EPS15L1: variants seen among roughly 807,000 people sequenced by gnomAD.
EPS15L1 encodes epidermal growth factor receptor pathway substrate 15 like 1, also known as epidermal growth factor receptor substrate 15-like 1.
EPS15L1 carries 43 observed loss-of-function variants against 117.1 expected under a neutral mutation model. That is an observed-to-expected ratio of 0.37 (90% CI 0.29 to 0.47). EPS15L1 has a LOEUF of 0.47. Among genes scored for constraint, EPS15L1 ranks in the 20% least tolerant of loss-of-function variants. The pLI is 0.99. For missense variants in EPS15L1, 981 were observed against 1,164.0 expected (o/e 0.84, Z 2.29); for synonymous variants, 459 against 470.5 (o/e 0.98, Z 0.32).
intron 1 of EPS15L1, among the ~76,000 whole-genome samples, chr19:16,464,011 C>T (rs544867819): frequency 6.6e-6 from 1 of 152,352 alleles, no homozygotes; most frequent in Non-Finnish European, 1.5e-5. Context: ...GGACTGCAGG[C>T]CTGGGAAACA....
chr19:16,361,649 G>A, intron 23 of EPS15L1, 130 bp downstream of exon 23: 1 of 1,413,954 alleles, frequency 7.1e-7, no homozygotes, highest in Non-Finnish European at 9.2e-7. Context: ...AATAACGCGA[G>A]GGACAGAGAG....
intron 9 of EPS15L1, among the ~76,000 whole-genome samples, chr19:16,421,915 C>T (rs1460026637): frequency 2.0e-5 from 3 of 152,334 alleles, no homozygotes; most frequent in Middle Eastern, 3.4e-3. Flanking sequence ...GGCTGCCCTA[C>T]AGGCAGCCAA....
rs771110967 is a variant in EPS15L1 at position 16,437,814 on chromosome 19, C to T, written c.265G>A (p.Val89Ile). ...CTCAAATTCAGATTGCTCAAGGTAA[C>T]TTCATGGCCACTCTGTGCACAGGCC... is the stretch of plus-strand genomic sequence containing the variant. ...LVACAQSGHE[V>I]TLSNLNLSMP... The change falls in exon 5 of 24, where the codon GTT becomes ATT. Residue 89 changes from valine (V) to isoleucine (I), a missense_variant. Around this residue, in one of 5 missense-constraint regions of EPS15L1, gnomAD observed 62 missense variants for 104.2 expected, o/e 0.59. Coordinates refer to ENST00000455140, the MANE Select transcript of EPS15L1 (RefSeq NM_001258374.3). The T allele has an allele frequency of 1.9e-6, 3 of 1,614,112 alleles. No homozygotes were observed. Among genetic ancestry groups the T allele is most frequent in the Middle Eastern group, 1.6e-4 (1 of 6,062 alleles).
rs1452278221 is a variant in EPS15L1 at position 16,370,304 on chromosome 19, T to C, written c.2380+6818A>G. 6.6e-6 allele frequency among the ~76,000 whole-genome samples: 1 copy of C among 152,062 alleles called. No individual in the cohort carries two copies. Among genetic ancestry groups the C allele is most frequent in the African/African-American group, 2.4e-5 (1 of 41,410 alleles). ...AGGAGAGATGAAAGATGAGGGGCCATGTTCACCCCGCCAGAAAAGCAGGGA... is the reference window on the plus strand; with the variant it reads ...AGGAGAGATGAAAGATGAGGGGCCACGTTCACCCCGCCAGAAAAGCAGGGA... On this transcript the variant is annotated intron_variant, in intron 22 of 23. Transcript: ENST00000455140. This position sits in a 1 kb window ranked among gnomAD's most constrained non-coding sequence, Gnocchi z 5.2.
At position 16,442,033 on chromosome 19, in the gene EPS15L1, G is replaced by A. The variant is rs2093037230; in HGVS notation, c.76-52C>T. 2.6e-6 allele frequency: 4 copies of A among 1,535,622 alleles called. No homozygotes were observed. The East Asian group carries it at 9.0e-5, about 35-fold the overall frequency. ...TAACTTTTCAGCAAATGCAGCAGCA[G>A]GTGAAGTGGCACCCGCCACGCTAAC... On this transcript the variant is annotated intron_variant, in intron 2 of 23. Coordinates refer to ENST00000455140, the MANE Select transcript of EPS15L1 (RefSeq NM_001258374.3).
chr19:16,378,466 A>G (rs2092323362), intron 21 of EPS15L1, among the ~76,000 whole-genome samples: 1 of 151,942 alleles, frequency 6.6e-6, no homozygotes, highest in African/African-American at 2.4e-5. Flanking sequence ...CCTTGCTCAG[A>G]GCCTGGCTGG....
chr19:16,400,992 C>T (rs2092595079), intron 16 of EPS15L1: 1 of 985,362 alleles, frequency 1.0e-6, no homozygotes, highest in African/African-American at 1.7e-5. Flanking sequence ...AAAGTAGGAG[C>T]CGGGTTGTGA....
rs984162702 is a variant in EPS15L1, at chr19:16,384,807, G to C, written c.2247+322C>G. ...CAGGCCTGCTGCCCATGGCCCTCTC[G>C]AGACGCCTGTGCCCAACGCCTTCTC... On this transcript the variant is annotated intron_variant, in intron 21 of 23. Transcript: ENST00000455140. 2.6e-5 allele frequency among the ~76,000 whole-genome samples: 4 copies of C among 152,290 alleles called. No individual in the cohort carries two copies. The South Asian group carries it at 6.2e-4, about 24-fold the overall frequency.
chr19:16,408,646 AGACTCC>A (rs2092679681), intron 13 of EPS15L1, among the ~76,000 whole-genome samples: 1 of 150,692 alleles, frequency 6.6e-6, no homozygotes, highest in African/African-American at 2.4e-5. Flanking sequence ...AGTGACAGTG[AGACTCC>A]GTCTCAAAAA....
intron 22 of EPS15L1, among the ~76,000 whole-genome samples, chr19:16,367,651 C>T (rs1047974580): frequency 2.0e-5 from 3 of 150,592 alleles, no homozygotes; most frequent in African/African-American, 7.3e-5. Context: ...CTCTGCTGCA[C>T]TAGCGTTCTT....
chr19:16,359,870 T>C (rs1599515341), intron 23 of EPS15L1, among the ~76,000 whole-genome samples: 1 of 148,834 alleles, frequency 6.7e-6, no homozygotes, highest in Non-Finnish European at 1.5e-5. Context: ...TCCAAATATG[T>C]AAAAACCAAA....
At chr19:16,453,270 C>G (rs1230409610) in intron 1 of EPS15L1, among the ~76,000 whole-genome samples, 2 of 152,002 alleles carry the variant, frequency 1.3e-5, no homozygotes, top group East Asian at 3.9e-4. Context: ...CAGCTAATTA[C>G]TATTTTTTAT....
At chr19:16,454,344 T>C (rs1253625936) in intron 1 of EPS15L1, among the ~76,000 whole-genome samples, 1 of 152,180 alleles carries the variant, frequency 6.6e-6, no homozygotes, top group Non-Finnish European at 1.5e-5. Context: ...ACCTGGCTTA[T>C]AAGCACACGG....
intron 1 of EPS15L1, among the ~76,000 whole-genome samples, chr19:16,458,509 C>A (rs2093217996): frequency 6.6e-6 from 1 of 152,024 alleles, no homozygotes; most frequent in Non-Finnish European, 1.5e-5. Context: ...CCTCCTCACC[C>A]ACGGCCCTGC....
At chr19:16,374,804 ATG>A (rs1188017551) in intron 22 of EPS15L1, among the ~76,000 whole-genome samples, 4 of 152,262 alleles carry the variant, frequency 2.6e-5, no homozygotes, top group Non-Finnish European at 4.4e-5. Context: ...ATGTGTGTAA[ATG>A]TGTGTACACG....
At chr19:16,444,469 G>GT (rs1339801638) in intron 1 of EPS15L1, among the ~76,000 whole-genome samples, 3 of 152,082 alleles carry the variant, frequency 2.0e-5, no homozygotes, top group Non-Finnish European at 4.4e-5. Context: ...CATCACACCT[G>GT]TGTCAACTTC....
At position 16,405,713 on chromosome 19, in the gene EPS15L1, G is replaced by A. The variant is rs1196827708; in HGVS notation, c.1267-964C>T. ...TGCATTTGTGCGAACGGGAAGGGGA[G>A]GGTATGTGTGGTATGCATCAACCTT... On this transcript the variant is annotated intron_variant, in intron 13 of 23. Transcript: ENST00000455140. This position sits in a 1 kb window ranked among gnomAD's most constrained non-coding sequence, Gnocchi z 4.0. Among the ~76,000 whole-genome samples the A allele has an allele frequency of 6.6e-6, 1 of 152,202 alleles. No homozygotes were observed. Among genetic ancestry groups the A allele is most frequent in the African/African-American group, 2.4e-5 (1 of 41,444 alleles).
intron 1 of EPS15L1, among the ~76,000 whole-genome samples, chr19:16,442,920 C>T (rs1024138297): frequency 6.6e-6 from 1 of 152,356 alleles, no homozygotes; most frequent in African/African-American, 2.4e-5. Flanking sequence ...AGAGGCCACA[C>T]CTGGATCCAG....
intron 1 of EPS15L1, among the ~76,000 whole-genome samples, chr19:16,465,050 G>A (rs1242493680): frequency 6.6e-6 from 1 of 151,192 alleles, no homozygotes; most frequent in African/African-American, 2.4e-5. Flanking sequence ...CTGCACTCCA[G>A]CCTGGGCAAC....
Sources: allele counts gnomAD v4.1 joint callset (sites outside exome capture counted in the v4.1 genomes callset), GRCh38; gene constraint gnomAD v4.1.1; regional missense constraint gnomAD v4.1.1; non-coding constraint Gnocchi (gnomAD v3.1); transcripts MANE v1.5; gene names NCBI Gene and HGNC (gene_info 2026-07-23, HGNC 2026-07-21).